The following SPRED3 variants were observed in gnomAD, a reference collection of about 807,000 sequenced individuals.
SPRED3 encodes sprouty-related, EVH1 domain-containing protein 3.
A neutral mutation model predicts 37.6 loss-of-function variants in SPRED3; 23 were observed. The ratio of observed to expected loss-of-function variants is 0.61; its 90% CI spans 0.44 to 0.87. The LOEUF is 0.87. Among genes scored for constraint, SPRED3 ranks in the 40% least tolerant of loss-of-function variants. The pLI, the probability that SPRED3 is intolerant of heterozygous loss-of-function variation, is 0.00. For missense variants in SPRED3, 584 were observed against 618.6 expected (o/e 0.94, Z 0.59); for synonymous variants, 302 against 279.6 (o/e 1.08, Z -0.80).
At chr19:38,394,361 C>G (rs1970867216) in intron 4 of SPRED3, 1 of 1,574,932 alleles carries the variant, frequency 6.3e-7, no homozygotes, top group African/African-American at 1.3e-5. Context: ...CCATTTCCAG[C>G]TCTCCCAGTA....
rs1970907787 is a variant in SPRED3, at chr19:38,397,135, C to T, written c.*990C>T. On this transcript the variant is annotated 3_prime_UTR_variant, in exon 6 of 6. Coordinates refer to ENST00000691638, the MANE Select transcript of SPRED3 (RefSeq NM_001394336.1). The stretch of plus-strand genomic sequence containing the variant: ...GATGTGCGACTGAAGGCCACCAACA[C>T]CTCAGGACCCGAGATACTGGTCTCG... The T allele has an allele frequency of 6.6e-6, 1 of 152,194 alleles. No homozygotes were observed. Among genetic ancestry groups the T allele is most frequent in the South Asian group, 2.1e-4 (1 of 4,828 alleles). The allele number at this position is 152,194 out of a possible 1,614,324, so 9.4% of individuals were successfully genotyped here. A position where few individuals can be genotyped will look rare whatever the true frequency, so the allele number is the denominator to read the frequency against.
chr19:38,394,714 C>G lies in SPRED3; in HGVS notation c.495C>G (p.Pro165=). The change falls in exon 5 of 6, where the codon CCC becomes CCG. Residue 165 remains proline, a synonymous_variant. Transcript: ENST00000691638. ...CTCCTCCCAGCGCCGCTGCGGCCCC[C>G]ATCATCACGATGGAGTCAGCTTCAG... ...QETPPSAAAA[P]IITMESASGF... The G allele has an allele frequency of 2.5e-6, 4 of 1,594,260 alleles. No homozygotes were observed. Among genetic ancestry groups the G allele is most frequent in the Non-Finnish European group, 3.4e-6 (4 of 1,173,038 alleles).
At chr19:38,392,137 A>C in intron 3 of SPRED3, 23 bp downstream of exon 3, 3 of 1,612,728 alleles carry the variant, frequency 1.9e-6, no homozygotes, top group Non-Finnish European at 2.5e-6. Context: ...GGTGATGTGC[A>C]CTGTGGGCTG....
rs752362772 is a variant in SPRED3, at chr19:38,394,658, G to C, written c.439G>C (p.Asp147His). 6.3e-7 allele frequency: 1 copy of C among 1,597,624 alleles called. No homozygotes were observed. Among genetic ancestry groups the C allele is most frequent in the East Asian group, 2.2e-5 (1 of 44,518 alleles). The change falls in exon 5 of 6, where the codon GAC (aspartate) becomes CAC (histidine). Residue 147 changes from aspartate (D) to histidine (H), a missense_variant. Physicochemically the swap from Asp to His is moderately conservative, Grantham distance 81. Around this residue, in one of 7 missense-constraint regions of SPRED3, gnomAD observed 310 missense variants for 281.1 expected, o/e 1.10. Coordinates refer to ENST00000691638, the MANE Select transcript of SPRED3 (RefSeq NM_001394336.1). ...TCTCCTCCAGTCCCACGTGGACAGC[G>C]ACTCCTCCTCCAGTCACAGCCGCCA... ...PCPLTSHVDS[D>H]SSSSHSRQET...
Position 38,395,693 on chromosome 19 carries a change from C to G in SPRED3, c.781C>G (p.Pro261Ala). 6.8e-7 allele frequency: 1 copy of G among 1,480,484 alleles called. No individual in the cohort carries two copies. Among genetic ancestry groups the G allele is most frequent in the Non-Finnish European group, 8.9e-7 (1 of 1,127,232 alleles). 91.7% of individuals were successfully genotyped at this position (1,480,484 alleles called of 1,614,324 possible). Residue 261 changes from proline to alanine, a missense_variant, in exon 6 of 6, where the codon CCT (proline) becomes GCT (alanine). By Grantham distance (27) the Pro-to-Ala change is conservative. Coordinates refer to ENST00000691638, the MANE Select transcript of SPRED3 (RefSeq NM_001394336.1). This position sits in a 1 kb window ranked among gnomAD's most constrained non-coding sequence, Gnocchi z 5.2. ...ALGPPAALPAPLTEAAPPAPP... is the reference protein window; with the variant it reads ...ALGPPAALPAALTEAAPPAPP... ...GGGTCCCCCAGCGGCACTACCTGCCCCTTTGACCGAGGCTGCGCCCCCAGC... is the reference window on the plus strand; with the variant it reads ...GGGTCCCCCAGCGGCACTACCTGCCGCTTTGACCGAGGCTGCGCCCCCAGC...
Position 38,395,856 on chromosome 19 carries a change from G to C in SPRED3, c.944G>C (p.Cys315Ser). The change falls in exon 6 of 6, where the codon TGC becomes TCC. Residue 315 changes from cysteine to serine, a missense_variant. Transcript: ENST00000691638. This position sits in a 1 kb window ranked among gnomAD's most constrained non-coding sequence, Gnocchi z 5.2. ...RRRADGRGGR[C>S]AEAPDPGRLL... ...AGAGCAGACGGGCGTGGCGGCCGCT[G>C]CGCAGAGGCCCCGGACCCGGGTCGC... 1 of 1,480,872 alleles carries C rather than the reference G, an allele frequency of 6.8e-7. No individual in the cohort carries two copies. The highest frequency in any genetic ancestry group is 8.9e-7 in the Non-Finnish European group (1 of 1,124,240). The allele number at this position is 1,480,872 out of a possible 1,614,324, so 91.7% of individuals were successfully genotyped here. A position where few individuals can be genotyped will look rare whatever the true frequency, so the allele number is the denominator to read the frequency against.
Position 38,396,185 on chromosome 19 carries a change from A to C in SPRED3, c.*40A>C. 2.4e-6 allele frequency: 3 copies of C among 1,228,174 alleles called. No individual in the cohort carries two copies. The highest frequency in any genetic ancestry group is 3.1e-6 in the Non-Finnish European group (3 of 983,042). 76.1% of individuals were successfully genotyped at this position (1,228,174 alleles called of 1,614,324 possible). A position where few individuals can be genotyped will look rare whatever the true frequency, so the allele number is the denominator to read the frequency against. On this transcript the variant is annotated 3_prime_UTR_variant, in exon 6 of 6. Transcript: ENST00000691638. ...GTCCCCTAGCCGGCCCGAGGACCCA[A>C]AATTGAGGGTCCAGGACCCCGGACT...
chr19:38,392,874 C>T (rs924393738), intron 4 of SPRED3, among the ~76,000 whole-genome samples: 1 of 152,212 alleles, frequency 6.6e-6, no homozygotes, highest in Admixed American at 6.5e-5. Context: ...CTCCTTCCCT[C>T]CTGCCCCCAC....
intron 2 of SPRED3, 145 bp from the exon 3 acceptor site, chr19:38,391,801 T>C (rs774103827): frequency 2.2e-6 from 2 of 918,580 alleles, no homozygotes; most frequent in Non-Finnish European, 3.3e-6. Context: ...GTATCAGTGT[T>C]GATCAGAGTT....
At position 38,392,116 on chromosome 19, in the gene SPRED3, T is replaced by G. The variant is rs1167236430; in HGVS notation, c.346+2T>G. The G allele has an allele frequency of 6.2e-7, 1 of 1,613,886 alleles. No individual in the cohort carries two copies. Among genetic ancestry groups the G allele is most frequent in the Non-Finnish European group, 8.5e-7 (1 of 1,180,006 alleles). ...CTGCGCTGGCCGCACTGGGTCGAGG[T>G]GAGCAGCCCAGGTGATGTGCACTGT... On this transcript the variant is annotated splice_donor_variant, in intron 3 of 5. Coordinates refer to ENST00000691638, the MANE Select transcript of SPRED3 (RefSeq NM_001394336.1). LOFTEE classifies it high-confidence loss of function.
At chr19:38,389,196 C>G (rs1009277189) in intron 1 of SPRED3, among the ~76,000 whole-genome samples, 1 of 152,126 alleles carries the variant, frequency 6.6e-6, no homozygotes, top group Non-Finnish European at 1.5e-5. Context: ...TCGGGGGAGG[C>G]GGGCGGACAA....
chr19:38,391,216 G>A (rs1321477093), intron 2 of SPRED3, among the ~76,000 whole-genome samples: 1 of 151,746 alleles, frequency 6.6e-6, no homozygotes, highest in African/African-American at 2.4e-5. Context: ...AGTAAGTGCT[G>A]GCTGGGTACA....
Position 38,395,671 on chromosome 19 carries a change from TC to T in SPRED3, c.764del (p.Pro255GlnfsTer8). Reference protein sequence around the residue: ...TGALRGAALGPPAALPAPLTE... With the variant: ...TGALRGAALGXPAALPAPLTE... ...GCGCGTTGAGGGGCGCTGCCCTGGG[TC>T]CCCCAGCGGCACTACCTGCCCCTTT... is the stretch of plus-strand genomic sequence containing the variant. On this transcript the variant is annotated frameshift_variant, in exon 6 of 6. Transcript: ENST00000691638. LOFTEE classifies it high-confidence loss of function. The surrounding 1 kb of genome is among the most constrained non-coding windows in gnomAD (Gnocchi z 5.2). 6.6e-7 allele frequency: 1 copy of T among 1,504,318 alleles called. No homozygotes were observed. The highest frequency in any genetic ancestry group is 2.2e-5 in the Admixed American group (1 of 46,120). The allele number at this position is 1,504,318 out of a possible 1,614,324, so 93.2% of individuals were successfully genotyped here. A position where few individuals can be genotyped will look rare whatever the true frequency, so the allele number is the denominator to read the frequency against.
rs1970903700 is a variant in SPRED3, at chr19:38,396,802, T to C, written c.*657T>C. 1 of 152,068 alleles carries C rather than the reference T, an allele frequency of 6.6e-6. No individual in the cohort carries two copies. The highest frequency in any genetic ancestry group is 1.9e-4 in the East Asian group (1 of 5,176). The allele number at this position is 152,068 out of a possible 1,614,324, so 9.4% of individuals were successfully genotyped here. A position where few individuals can be genotyped will look rare whatever the true frequency, so the allele number is the denominator to read the frequency against. ...CTGCCCCTCAAATCTACCCACGACT[T>C]AGTGCCCACAGACCTGGCCTCCAGT... On this transcript the variant is annotated 3_prime_UTR_variant, in exon 6 of 6. Coordinates refer to ENST00000691638, the MANE Select transcript of SPRED3 (RefSeq NM_001394336.1).
In SPRED3 at chr19:38,395,144, G is replaced by T. The variant is rs544783826; in HGVS notation, c.568-336G>T. ...AGAGTCGGTACCCAGAAGGGTAAAA[G>T]AGGCCCAGGAACCAAACTCCTGCGC... On this transcript the variant is annotated intron_variant, in intron 5 of 5. Coordinates refer to ENST00000691638, the MANE Select transcript of SPRED3 (RefSeq NM_001394336.1). This position sits in a 1 kb window ranked among gnomAD's most constrained non-coding sequence, Gnocchi z 5.2. Among the ~76,000 whole-genome samples the T allele has an allele frequency of 6.6e-6, 1 of 152,290 alleles. No homozygotes were observed. The highest frequency in any genetic ancestry group is 6.5e-5 in the Admixed American group (1 of 15,304).
chr19:38,390,451 T>C lies in SPRED3; in HGVS notation c.149T>C (p.Ile50Thr). 7.3e-7 allele frequency: 1 copy of C among 1,371,152 alleles called. No individual in the cohort carries two copies. The highest frequency in any genetic ancestry group is 1.5e-5 in the African/African-American group (1 of 65,298). The allele number at this position is 1,371,152 out of a possible 1,614,324, so 84.9% of individuals were successfully genotyped here. A position where few individuals can be genotyped will look rare whatever the true frequency, so the allele number is the denominator to read the frequency against. The stretch of plus-strand genomic sequence containing the variant: ...GGGGCCCGCCAGGGGCACTACGTCA[T>C]CCACGGGGAACGCCTCCGGGACCAG... ...EGGARQGHYV[I>T]HGERLRDQKT... Residue 50 changes from isoleucine to threonine, a missense_variant, in exon 2 of 6, where the codon ATC becomes ACC. Transcript: ENST00000691638.
At chr19:38,393,440 C>T (rs1473821148) in intron 4 of SPRED3, among the ~76,000 whole-genome samples, 1 of 151,460 alleles carries the variant, frequency 6.6e-6, no homozygotes, top group African/African-American at 2.4e-5. Flanking sequence ...CTCCACCTCC[C>T]AGGTTCAAGG....
At position 38,398,906 on chromosome 19, in the gene SPRED3, G is replaced by T. The variant is rs1201911429; in HGVS notation, c.*2761G>T. On this transcript the variant is annotated 3_prime_UTR_variant, in exon 6 of 6. Transcript: ENST00000691638. ...CTGTGAGATTCAGCACTCCCAACCA[G>T]ACCCTGGGATGGGTGAGAGAAAAGC... is the stretch of plus-strand genomic sequence containing the variant. The T allele has an allele frequency of 6.6e-6, 1 of 152,258 alleles. No homozygotes were observed. Among genetic ancestry groups the T allele is most frequent in the East Asian group, 1.9e-4 (1 of 5,198 alleles). The allele number at this position is 152,258 out of a possible 1,614,324, so 9.4% of individuals were successfully genotyped here.
chr19:38,393,344 CTTTTTTTT>C (rs74176441), intron 4 of SPRED3, among the ~76,000 whole-genome samples: 1 of 121,128 alleles, frequency 8.3e-6, no homozygotes, highest in South Asian at 2.8e-4. Context: ...ATACTATTAT[CTTTTTTTT>C]TTTTTTTTTT....
Sources: allele counts gnomAD v4.1 joint callset (sites outside exome capture counted in the v4.1 genomes callset), GRCh38; gene constraint gnomAD v4.1.1; regional missense constraint gnomAD v4.1.1; non-coding constraint Gnocchi (gnomAD v3.1); transcripts MANE v1.5; gene names NCBI Gene and HGNC (gene_info 2026-07-23, HGNC 2026-07-21).